APBA2: variants seen among roughly 807,000 people sequenced by gnomAD.
The protein encoded by APBA2 is amyloid-beta A4 precursor protein-binding family A member 2.
In APBA2, 30 loss-of-function variants were observed where a neutral mutation model predicts 75.0. That is an observed-to-expected ratio of 0.40 (90% confidence interval 0.30 to 0.54). APBA2 has a LOEUF of 0.54. Ranked by LOEUF, APBA2 falls within the 20% of genes least tolerant of loss-of-function variation. APBA2 has a pLI of 0.49. For missense variants in APBA2, 801 were observed against 1,016.1 expected, an observed-to-expected ratio of 0.79 and a Z score of 2.88; for synonymous variants, 444 against 409.6, an observed-to-expected ratio of 1.08 and a Z score of -1.01.
chr15:29,085,386 G>A (rs1436410385), intron 6 of APBA2, among the ~76,000 whole-genome samples: 1 of 151,914 alleles, frequency 6.6e-6, no homozygotes, highest in Non-Finnish European at 1.5e-5. Context: ...TTAGCCAGGC[G>A]TGGTGGCGGG....
At chr15:29,010,410 C>T (rs1332186894) in intron 3 of APBA2, among the ~76,000 whole-genome samples, 1 of 152,124 alleles carries the variant, frequency 6.6e-6, no homozygotes, top group East Asian at 1.9e-4. Context: ...AGGCGCCCGC[C>T]ACCAGCCCGG....
chr15:28,938,176 G>A (rs138416989), intron 2 of APBA2, among the ~76,000 whole-genome samples: 53 of 152,230 alleles, frequency 3.5e-4, no homozygotes, highest in African/African-American at 1.2e-3. Context: ...CTCAGACCAC[G>A]GTGCCCTGGA....
rs2045332769 is a variant in APBA2 at position 29,118,190 on chromosome 15, G to A, written c.*1057G>A. On this transcript the variant is annotated 3_prime_UTR_variant, in exon 15 of 15. Transcript: ENST00000683413. ...CCTTGAAGAATACACTGTGACTTAA[G>A]AAGCCTTACCACGCAGTAACTAAAG... 1 of 152,602 alleles carries A rather than the reference G, an allele frequency of 6.6e-6. No individual in the cohort carries two copies. Among genetic ancestry groups the A allele is most frequent in the African/African-American group, 2.4e-5 (1 of 41,470 alleles). 9.5% of individuals were successfully genotyped at this position (152,602 alleles called of 1,614,324 possible).
intron 3 of APBA2, among the ~76,000 whole-genome samples, chr15:29,023,117 G>A (rs752971344): frequency 1.2e-4 from 18 of 152,044 alleles, no homozygotes; most frequent in Non-Finnish European, 1.8e-4. Flanking sequence ...ATAAAGACAG[G>A]AATATTGTCT....
chr15:29,046,123 A>G lies in APBA2; in HGVS notation c.-40-7722A>G, dbSNP rs1873282. The stretch of plus-strand genomic sequence containing the variant: ...GGCTTCCTGAAAAAGTTGCTTACAC[A>G]TTGAGGTGTGTTAAATGGAATTCTT... On this transcript the variant is annotated intron_variant, in intron 3 of 14. Transcript: ENST00000683413. This position sits in a 1 kb window ranked among gnomAD's most constrained non-coding sequence, Gnocchi z 5.0. Among the ~76,000 whole-genome samples, 46,702 of 152,094 alleles carry G rather than the reference A, an allele frequency of 0.31. 7,805 individuals are homozygous for G. The highest frequency in any genetic ancestry group is 0.37 in the Non-Finnish European group (25,476 of 67,986).
At chr15:28,988,695 T>C (rs2038058288) in intron 2 of APBA2, among the ~76,000 whole-genome samples, 1 of 152,222 alleles carries the variant, frequency 6.6e-6, no homozygotes, top group Non-Finnish European at 1.5e-5. Flanking sequence ...CGTTCTCCAT[T>C]GATGGATGCT....
intron 3 of APBA2, among the ~76,000 whole-genome samples, chr15:29,007,217 A>C (rs2039163036): frequency 6.6e-6 from 1 of 152,230 alleles, no homozygotes; most frequent in Admixed American, 6.5e-5. Context: ...AAAACAACAC[A>C]AGAGAATACA....
chr15:28,929,271 A>T (rs745955388), intron 2 of APBA2, among the ~76,000 whole-genome samples: 7 of 152,170 alleles, frequency 4.6e-5, no homozygotes, highest in Non-Finnish European at 8.8e-5. Context: ...TTGCACCCAC[A>T]AGACAGCCTG....
chr15:29,109,910 G>A (rs2044638244), intron 13 of APBA2, among the ~76,000 whole-genome samples: 1 of 152,174 alleles, frequency 6.6e-6, no homozygotes, highest in Non-Finnish European at 1.5e-5. Flanking sequence ...CCTGGCACAG[G>A]TGCCAGGACG....
chr15:29,016,451 G>A (rs1016870073), intron 3 of APBA2, among the ~76,000 whole-genome samples: 2 of 152,096 alleles, frequency 1.3e-5, no homozygotes, highest in African/African-American at 4.8e-5. Flanking sequence ...GTTCTCTGTG[G>A]GACCTTTGGT....
chr15:28,959,587 G>C (rs1291115633), intron 2 of APBA2, among the ~76,000 whole-genome samples: 1 of 152,128 alleles, frequency 6.6e-6, no homozygotes, highest in East Asian at 1.9e-4. Context: ...TCGACTTCCA[G>C]TCGCCAGAAC....
chr15:28,968,823 G>A (rs555733601), intron 2 of APBA2, among the ~76,000 whole-genome samples: 10 of 152,312 alleles, frequency 6.6e-5, no homozygotes, highest in Admixed American at 5.2e-4. Flanking sequence ...AAGCAGACAC[G>A]TGCAGAGGGA....
chr15:28,992,586 G>A (rs2038292775), intron 2 of APBA2, among the ~76,000 whole-genome samples: 1 of 152,200 alleles, frequency 6.6e-6, no homozygotes, highest in African/African-American at 2.4e-5. Context: ...TTGAAGTCAG[G>A]CAGCTGAGGC....
intron 4 of APBA2, among the ~76,000 whole-genome samples, chr15:29,061,802 C>T (rs992165394): frequency 6.6e-6 from 1 of 152,192 alleles, no homozygotes; most frequent in African/African-American, 2.4e-5. Flanking sequence ...TGTTCTGAGC[C>T]ACGGCCTCAC....
chr15:29,015,275 A>T (rs956906688), intron 3 of APBA2, among the ~76,000 whole-genome samples: 43 of 152,212 alleles, frequency 2.8e-4, no homozygotes, highest in African/African-American at 1.0e-3. Context: ...GATGTTGTCC[A>T]GGGCAGTTGC....
chr15:28,916,801 A>G (rs1361708019), intron 1 of APBA2, among the ~76,000 whole-genome samples: 2 of 152,202 alleles, frequency 1.3e-5, no homozygotes, highest in Non-Finnish European at 2.9e-5. Context: ...GTCGTCATTT[A>G]TTTAACCATT....
chr15:28,968,489 T>G (rs1008367169), intron 2 of APBA2, among the ~76,000 whole-genome samples: 1 of 152,202 alleles, frequency 6.6e-6, no homozygotes, highest in Non-Finnish European at 1.5e-5. Context: ...CGTGTCCCTT[T>G]GTCCTCTCTC....
chr15:28,892,340 G>T (rs1474657817), intron 1 of APBA2, among the ~76,000 whole-genome samples: 1 of 152,206 alleles, frequency 6.6e-6, no homozygotes, highest in Non-Finnish European at 1.5e-5. Context: ...CTCCCAAGGT[G>T]CTGGGATTAC....
In APBA2 at chr15:29,108,145, T is replaced by G. The variant is rs890972799; in HGVS notation, c.1918-125T>G. On this transcript the variant is annotated intron_variant, in intron 12 of 14. Transcript: ENST00000683413. ...GGGGCTACCGAGGCTGAGAGGGGACTGCCTGCCTCTCCCATTGTGTGTTCT... is the reference window on the plus strand; with the variant it reads ...GGGGCTACCGAGGCTGAGAGGGGACGGCCTGCCTCTCCCATTGTGTGTTCT... 3.6e-6 allele frequency: 5 copies of G among 1,391,068 alleles called. No individual in the cohort carries two copies. The African/African-American group carries it at 5.7e-5, about 16-fold the overall frequency. 86.2% of individuals were successfully genotyped at this position (1,391,068 alleles called of 1,614,324 possible).
Sources: allele counts gnomAD v4.1 joint callset (sites outside exome capture counted in the v4.1 genomes callset), GRCh38; gene constraint gnomAD v4.1.1; non-coding constraint Gnocchi (gnomAD v3.1); transcripts MANE v1.5; gene names NCBI Gene and HGNC (gene_info 2026-07-23, HGNC 2026-07-21).